Variants in PREX1 observed in about 807,000 individuals in gnomAD.
PREX1 encodes the protein phosphatidylinositol 3,4,5-trisphosphate-dependent Rac exchanger 1 protein.
A neutral mutation model predicts 198.3 loss-of-function variants in PREX1; 41 were observed. That is an observed-to-expected ratio of 0.21 (90% CI 0.16 to 0.27). The LOEUF is 0.27. Ranked by LOEUF, PREX1 falls within the 10% of genes least tolerant of loss-of-function variation. The pLI is 1.00. For synonymous variants in PREX1, 843 were observed against 887.2 expected (o/e 0.95, Z 0.89); for missense variants, 1,620 against 2,200.7 (o/e 0.74, Z 5.28).
At chr20:48,750,444 G>T (rs1031525834) in intron 1 of PREX1, among the ~76,000 whole-genome samples, 11 of 152,126 alleles carry the variant, frequency 7.2e-5, no homozygotes, top group Non-Finnish European at 1.0e-4. Context: ...CCATGATCTT[G>T]TCCTTGTTAA....
intron 5 of PREX1, 133 bp downstream of exon 5, chr20:48,726,157 G>A (rs569523316): frequency 2.9e-6 from 2 of 682,374 alleles, no homozygotes; most frequent in Non-Finnish European, 5.2e-6. Flanking sequence ...GAAAGAGGCA[G>A]GGTCCTGGTT....
rs1362878082 is a variant in PREX1 at position 48,639,970 on chromosome 20, G to A, written c.3776-76C>T. ...GGAGAACGGTGGCACAAAGGCCTAT[G>A]TCCCATCACAGATCCCAGAGCTCAT... On this transcript the variant is annotated intron_variant, in intron 29 of 39. Transcript: ENST00000371941. 3 of 1,521,822 alleles carry A rather than the reference G, an allele frequency of 2.0e-6. No individual in the cohort carries two copies. In the East Asian group the frequency reaches 6.8e-5, roughly 34 times the overall value. 94.3% of individuals were successfully genotyped at this position (1,521,822 alleles called of 1,614,324 possible).
At chr20:48,863,822 A>G in the PREX1 span, among the ~76,000 whole-genome samples, 1 of 152,022 alleles carries the variant, frequency 6.6e-6, no homozygotes, top group Non-Finnish European at 1.5e-5. Context: ...ACCTCAGGTG[A>G]TCTGCCTGCC....
chr20:48,716,056 T>TAC (rs1262902709), intron 5 of PREX1, among the ~76,000 whole-genome samples: 2 of 151,970 alleles, frequency 1.3e-5, no homozygotes, highest in African/African-American at 4.8e-5. Flanking sequence ...ACACAAAGTG[T>TAC]CTAAGTAGGG....
the PREX1 span, among the ~76,000 whole-genome samples, chr20:48,848,648 C>T: frequency 2.6e-5 from 4 of 152,228 alleles, no homozygotes; most frequent in South Asian, 8.3e-4. Context: ...ACCCACCAGT[C>T]CCCCCAGAAT....
intron 1 of PREX1, among the ~76,000 whole-genome samples, chr20:48,804,104 G>T (rs1353386939): frequency 2.0e-5 from 3 of 152,210 alleles, no homozygotes; most frequent in Non-Finnish European, 4.4e-5. Context: ...CCAGAAGAAG[G>T]CCTGGGATAT....
At chr20:48,737,913 C>A (rs1418339242) in intron 3 of PREX1, among the ~76,000 whole-genome samples, 1 of 152,208 alleles carries the variant, frequency 6.6e-6, no homozygotes, top group South Asian at 2.1e-4. Context: ...TGAAGCCAAC[C>A]TACACTCCTG....
At chr20:48,769,664 T>C (rs1409679458) in intron 1 of PREX1, among the ~76,000 whole-genome samples, 1 of 152,136 alleles carries the variant, frequency 6.6e-6, no homozygotes, top group East Asian at 1.9e-4. Flanking sequence ...GCACTGGCTG[T>C]CCCCTCTGCC....
intron 1 of PREX1, among the ~76,000 whole-genome samples, chr20:48,797,543 C>A (rs1207062744): frequency 6.6e-6 from 1 of 152,116 alleles, no homozygotes; most frequent in African/African-American, 2.4e-5. Context: ...TCCCATCCCC[C>A]CAAAAAAGAG....
At chr20:48,638,161 C>T (rs2089380351) in intron 30 of PREX1, among the ~76,000 whole-genome samples, 1 of 152,054 alleles carries the variant, frequency 6.6e-6, no homozygotes, top group East Asian at 1.9e-4. Context: ...GAGACACACA[C>T]ATATACTCAT....
At chr20:48,830,990 A>G (rs371369052), upstream of PREX1, among the ~76,000 whole-genome samples, 85 of 152,354 alleles carry the variant, frequency 5.6e-4, no homozygotes, top group Middle Eastern at 6.8e-3. Flanking sequence ...TTATTTAGCA[A>G]GAGGTCCAGA....
chr20:48,661,170 G>A (rs1049909355), intron 15 of PREX1, among the ~76,000 whole-genome samples: 2 of 151,816 alleles, frequency 1.3e-5, no homozygotes, highest in African/African-American at 4.8e-5. Flanking sequence ...TGTAATCCCA[G>A]CACTTTGAGA....
At chr20:48,766,558 T>G (rs189433896) in intron 1 of PREX1, among the ~76,000 whole-genome samples, 170 of 152,230 alleles carry the variant, frequency 1.1e-3, no homozygotes, top group Non-Finnish European at 1.6e-3. Flanking sequence ...AGGTGCTCCC[T>G]CCACCTGCAA....
intron 29 of PREX1, among the ~76,000 whole-genome samples, chr20:48,641,901 AGG>A (rs2089415919): frequency 8.2e-6 from 1 of 121,424 alleles, no homozygotes; most frequent in African/African-American, 3.0e-5. Flanking sequence ...GAAGGAAGGA[AGG>A]AAGGAAAAGA....
At chr20:48,832,468 T>G (rs2090539264), upstream of PREX1, among the ~76,000 whole-genome samples, 1 of 152,146 alleles carries the variant, frequency 6.6e-6, no homozygotes, top group African/African-American at 2.4e-5. Flanking sequence ...GAGAAGTGAG[T>G]TACTGCACTG....
At chr20:48,718,080 TAAGTTAC>T (rs1601094537) in intron 5 of PREX1, among the ~76,000 whole-genome samples, 1 of 152,328 alleles carries the variant, frequency 6.6e-6, no homozygotes, top group East Asian at 1.9e-4. Flanking sequence ...CCCAACTCGC[TAAGTTAC>T]AACCACCCTA....
At chr20:48,842,890 A>G in the PREX1 span, among the ~76,000 whole-genome samples, 1 of 152,136 alleles carries the variant, frequency 6.6e-6, no homozygotes, top group African/African-American at 2.4e-5. Context: ...TGAGCCACTA[A>G]TCATAATATA....
chr20:48,845,814 G>C, the PREX1 span, among the ~76,000 whole-genome samples: 1 of 152,166 alleles, frequency 6.6e-6, no homozygotes, highest in Non-Finnish European at 1.5e-5. Context: ...CAGTGAGGTG[G>C]TAATGTGGAG....
intron 6 of PREX1, among the ~76,000 whole-genome samples, chr20:48,706,786 G>A (rs1001399008): frequency 1.3e-5 from 2 of 152,202 alleles, no homozygotes; most frequent in South Asian, 2.1e-4. Flanking sequence ...ACCAAGCCAC[G>A]TACTTTTAAG....
Sources: allele counts gnomAD v4.1 joint callset (sites outside exome capture counted in the v4.1 genomes callset), GRCh38; gene constraint gnomAD v4.1.1; transcripts MANE v1.5; gene names NCBI Gene and HGNC (gene_info 2026-07-23, HGNC 2026-07-21).